E2F3: variants seen among roughly 807,000 people sequenced by gnomAD.
E2F3 encodes E2F transcription factor 3.
Under a neutral mutation model 44.4 loss-of-function variants are expected in E2F3, and 11 were observed. That is an observed-to-expected ratio of 0.25 (90% confidence interval 0.16 to 0.41). The LOEUF (loss-of-function observed/expected upper bound fraction) is 0.41, where lower values mean the gene tolerates loss of function less well. Ranked by LOEUF, E2F3 falls within the 10% of genes least tolerant of loss-of-function variation. The pLI is 1.00. For synonymous variants in E2F3, 249 were observed against 253.0 expected, an observed-to-expected ratio of 0.98 and a Z score of 0.15; for missense variants, 487 against 583.6, an observed-to-expected ratio of 0.83 and a Z score of 1.70.
intron 1 of E2F3, among the ~76,000 whole-genome samples, chr6:20,441,730 T>A (rs564706492): frequency 0.013 from 1,990 of 150,078 alleles, 9 homozygotes; most frequent in South Asian, 0.036. Flanking sequence ...GGGTAATTTT[T>A]TTTTTTTTTT....
intron 1 of E2F3, among the ~76,000 whole-genome samples, chr6:20,432,412 G>T (rs546300105): frequency 2.8e-4 from 43 of 152,358 alleles, no homozygotes; most frequent in Non-Finnish European, 5.1e-4. Flanking sequence ...CTGCTTACCT[G>T]AAGGAGTTCA....
At chr6:20,410,297 G>A (rs893533993) in intron 1 of E2F3, among the ~76,000 whole-genome samples, 1 of 152,168 alleles carries the variant, frequency 6.6e-6, no homozygotes, top group Non-Finnish European at 1.5e-5. Context: ...GTCCTAAAAG[G>A]CATAGTGAGG....
rs567800337 is a variant in E2F3, at chr6:20,402,137, A to G, written c.-96A>G. ...CGGAAGCGCCGGGCGGGGAGGAGAG[A>G]AGGAGGAGAGACTTGGAAACTCCGA... On this transcript the variant is annotated 5_prime_UTR_variant, in exon 1 of 7. Coordinates refer to ENST00000346618, the MANE Select transcript of E2F3 (RefSeq NM_001949.5). This position sits in a 1 kb window ranked among gnomAD's most constrained non-coding sequence, Gnocchi z 5.6. 9.0e-6 allele frequency: 13 copies of G among 1,445,430 alleles called. No individual in the cohort carries two copies. In the South Asian group the frequency reaches 1.2e-4, roughly 13 times the overall value. 89.5% of individuals were successfully genotyped at this position (1,445,430 alleles called of 1,614,324 possible).
intron 1 of E2F3, among the ~76,000 whole-genome samples, chr6:20,422,900 C>G (rs143211849): frequency 6.6e-6 from 1 of 152,232 alleles, no homozygotes; most frequent in East Asian, 1.9e-4. Flanking sequence ...TGAAATATTA[C>G]GAGAATTACC....
Position 20,492,977 on chromosome 6 carries a change from G to A in E2F3, c.*2547G>A, listed in dbSNP as rs1762594351. The A allele has an allele frequency of 4.7e-6, 1 of 214,950 alleles. No individual in the cohort carries two copies. The highest frequency in any genetic ancestry group is 9.4e-6 in the Non-Finnish European group (1 of 106,330). The allele number at this position is 214,950 out of a possible 1,614,324, so 13.3% of individuals were successfully genotyped here. On this transcript the variant is annotated 3_prime_UTR_variant, in exon 7 of 7. Coordinates refer to ENST00000346618, the MANE Select transcript of E2F3 (RefSeq NM_001949.5). The stretch of plus-strand genomic sequence containing the variant: ...TAAAAGTTACAAGTGTGCAAATTAT[G>A]ACTGCGTGAGCCTTAGAAAATAAAA...
chr6:20,421,123 G>A (rs1177467715), intron 1 of E2F3, among the ~76,000 whole-genome samples: 6 of 152,130 alleles, frequency 3.9e-5, no homozygotes, highest in African/African-American at 7.2e-5. Flanking sequence ...ACCTATTAAC[G>A]CTCCATTTTC....
In E2F3 at chr6:20,469,326, T is replaced by C. The variant is rs1471630732; in HGVS notation, c.394-10520T>C. Among the ~76,000 whole-genome samples, 3 of 152,150 alleles carry C rather than the reference T, an allele frequency of 2.0e-5. 1 individual carries two copies. Among genetic ancestry groups the C allele is most frequent in the Non-Finnish European group, 4.4e-5 (3 of 68,012 alleles). On this transcript the variant is annotated intron_variant, in intron 1 of 6. Coordinates refer to ENST00000346618, the MANE Select transcript of E2F3 (RefSeq NM_001949.5). ...TTGAAGGATGTCAGTACATTAGAAC[T>C]AAAATGGCTAAACCAGAAATAGCTG...
chr6:20,458,414 C>T (rs1200494638), intron 1 of E2F3, among the ~76,000 whole-genome samples: 1 of 152,168 alleles, frequency 6.6e-6, no homozygotes, highest in Non-Finnish European at 1.5e-5. Context: ...GCAATACCTA[C>T]CAGAGTTGGT....
chr6:20,478,087 T>C (rs763372866), intron 1 of E2F3, among the ~76,000 whole-genome samples: 1 of 152,060 alleles, frequency 6.6e-6, no homozygotes, highest in Non-Finnish European at 1.5e-5. Context: ...TGGTCCCATC[T>C]ACTCAGGAGG....
rs1762528507 is a variant in E2F3 at position 20,490,600 on chromosome 6, A to G, written c.*170A>G. Reference sequence around the variant, plus strand: ...ATTTTAATGAATTTTTTAAAAAATTAATAAACAAATTGTCTAAACGCACAG... The same window carrying G: ...ATTTTAATGAATTTTTTAAAAAATTGATAAACAAATTGTCTAAACGCACAG... On this transcript the variant is annotated 3_prime_UTR_variant, in exon 7 of 7. Coordinates refer to ENST00000346618, the MANE Select transcript of E2F3 (RefSeq NM_001949.5). This position sits in a 1 kb window ranked among gnomAD's most constrained non-coding sequence, Gnocchi z 4.3. The G allele has an allele frequency of 1.4e-6, 1 of 698,596 alleles. No homozygotes were observed. The highest frequency in any genetic ancestry group is 3.8e-5 in the South Asian group (1 of 26,074). 43.3% of individuals were successfully genotyped at this position (698,596 alleles called of 1,614,324 possible). A position where few individuals can be genotyped will look rare whatever the true frequency, so the allele number is the denominator to read the frequency against.
In E2F3 at chr6:20,476,366, G is replaced by A. The variant is rs1195499166; in HGVS notation, c.394-3480G>A. On this transcript the variant is annotated intron_variant, in intron 1 of 6. Transcript: ENST00000346618. The stretch of plus-strand genomic sequence containing the variant: ...AGCCTGGGTGACAGAGCGAGACTCC[G>A]GGTCTCAAAAAAAAAAAATGCTTTA... Among the ~76,000 whole-genome samples, 4 of 150,938 alleles carry A rather than the reference G, an allele frequency of 2.7e-5. No homozygotes were observed. In the South Asian group the frequency reaches 6.2e-4, roughly 23 times the overall value.
chr6:20,459,222 A>T (rs1581626323), intron 1 of E2F3, among the ~76,000 whole-genome samples: 2 of 152,232 alleles, frequency 1.3e-5, no homozygotes, highest in East Asian at 3.8e-4. Context: ...CAGTGAGCCA[A>T]CATCGTGCCA....
Position 20,490,143 on chromosome 6 carries a change from G to A in E2F3, c.1136-25G>A. 6.5e-7 allele frequency: 1 copy of A among 1,539,956 alleles called. No homozygotes were observed. Among genetic ancestry groups the A allele is most frequent in the Non-Finnish European group, 8.7e-7 (1 of 1,143,662 alleles). ...ATTTGATTTTTCTAACTTATTTTTT[G>A]TTTCCATCAATGTTTTCTTTTCAGA... On this transcript the variant is annotated intron_variant, in intron 6 of 6. Transcript: ENST00000346618. The surrounding 1 kb of genome is among the most constrained non-coding windows in gnomAD (Gnocchi z 4.3).
intron 1 of E2F3, chr6:20,439,808 A>C (rs1035759875): frequency 1.3e-5 from 2 of 152,232 alleles, no homozygotes; most frequent in African/African-American, 2.4e-5. Context: ...GGTTACAAGC[A>C]TGAGCCACTG....
chr6:20,478,673 GT>G (rs1357999233), intron 1 of E2F3, among the ~76,000 whole-genome samples: 4 of 152,244 alleles, frequency 2.6e-5, no homozygotes, highest in Non-Finnish European at 5.9e-5. Context: ...GCTGGGAGTG[GT>G]GGCGTGCACC....
intron 1 of E2F3, among the ~76,000 whole-genome samples, chr6:20,462,135 A>G (rs150459843): frequency 6.6e-6 from 1 of 152,340 alleles, no homozygotes; most frequent in East Asian, 1.9e-4. Context: ...TATTCTGGAT[A>G]ATAATGCTGA....
chr6:20,474,735 A>G (rs1342762934), intron 1 of E2F3, among the ~76,000 whole-genome samples: 1 of 152,208 alleles, frequency 6.6e-6, no homozygotes, highest in Non-Finnish European at 1.5e-5. Flanking sequence ...TGCTAAGTTA[A>G]GCATTAAAAT....
intron 1 of E2F3, among the ~76,000 whole-genome samples, chr6:20,476,241 GA>G (rs1762040782): frequency 6.6e-6 from 1 of 152,044 alleles, no homozygotes; most frequent in African/African-American, 2.4e-5. Flanking sequence ...CGTGGTGGCG[GA>G]CGCCTGTAGT....
chr6:20,429,020 A>G (rs1760308709), intron 1 of E2F3, among the ~76,000 whole-genome samples: 2 of 151,982 alleles, frequency 1.3e-5, no homozygotes, highest in South Asian at 4.1e-4. Context: ...GACATTTTTG[A>G]TTTTCGTAAC....
Sources: gnomAD v4.1 joint callset for allele counts (sites outside exome capture counted in the v4.1 genomes callset) on GRCh38, gnomAD v4.1.1 for gene constraint, Gnocchi (gnomAD v3.1) non-coding constraint, MANE v1.5 for transcripts, NCBI Gene and HGNC (gene_info 2026-07-23, HGNC 2026-07-21) for gene names.